PRRC2C: variants seen among roughly 807,000 people sequenced by gnomAD.
PRRC2C encodes protein PRRC2C.
Under a neutral mutation model 317.2 loss-of-function variants are expected in PRRC2C, and 72 were observed. The ratio of observed to expected loss-of-function variants is 0.23; its 90% CI spans 0.19 to 0.28. The LOEUF (loss-of-function observed/expected upper bound fraction) is 0.28, where lower values mean the gene tolerates loss of function less well. Ranked by LOEUF, PRRC2C falls within the 10% of genes least tolerant of loss-of-function variation. The pLI is 1.00. For synonymous variants in PRRC2C, 1,296 were observed against 1,205.9 expected (o/e 1.07, Z -1.55); for missense variants, 3,074 against 3,459.7 (o/e 0.89, Z 2.80).
chr1:171,579,557 A>C (rs1355175570), intron 27 of PRRC2C, 91 bp downstream of exon 27: 8 of 1,459,726 alleles, frequency 5.5e-6, no homozygotes, highest in African/African-American at 1.4e-5. Flanking sequence ...ATAGACTCTG[A>C]AATTACAAGC....
intron 26 of PRRC2C, among the ~76,000 whole-genome samples, chr1:171,578,775 G>A (rs1036141661): frequency 1.3e-5 from 2 of 151,832 alleles, no homozygotes; most frequent in Admixed American, 6.6e-5. Context: ...CACAAGAATC[G>A]CTTGAACCCG....
intron 10 of PRRC2C, among the ~76,000 whole-genome samples, chr1:171,527,432 A>G (rs543175000): frequency 3.9e-5 from 6 of 152,006 alleles, no homozygotes; most frequent in African/African-American, 1.4e-4. Flanking sequence ...CGCACCCAGC[A>G]GATATATTTT....
rs60015867 is a variant in PRRC2C at position 171,539,495 on chromosome 1, A to G, written c.2505-476A>G. ...ATTCTTACCTTTACCTATATTTCCT[A>G]TATTTACCTTTACCTATATTTCCTA... On this transcript the variant is annotated intron_variant, in intron 15 of 34. Coordinates refer to ENST00000647382, the MANE Select transcript of PRRC2C (RefSeq NM_001387844.1). Among the ~76,000 whole-genome samples the G allele has an allele frequency of 4.3e-3, 652 of 152,116 alleles. 17 individuals carry two copies. The highest frequency in any genetic ancestry group is 0.037 in the East Asian group (190 of 5,172).
chr1:171,537,350 C>A lies in PRRC2C; in HGVS notation c.2381C>A (p.Ser794Tyr). 6.3e-7 allele frequency: 1 copy of A among 1,595,708 alleles called. No homozygotes were observed. Among genetic ancestry groups the A allele is most frequent in the Non-Finnish European group, 8.5e-7 (1 of 1,170,286 alleles). Residue 794 changes from serine to tyrosine, a missense_variant, in exon 15 of 35, where the codon TCT becomes TAT. Physicochemically the swap from Ser to Tyr is moderately radical, Grantham distance 144. This residue lies in a region of PRRC2C where 1,320 missense variants were observed against 1,395.7 expected (regional missense o/e 0.95). Transcript: ENST00000647382. ...SSESFEHIAR[S>Y]ARDHAISLSE... Reference sequence around the variant, plus strand: ...GAGTCATTTGAGCATATAGCTCGATCTGCAAGAGATCACGCAATTTCCCTT... The same window carrying A: ...GAGTCATTTGAGCATATAGCTCGATATGCAAGAGATCACGCAATTTCCCTT...
chr1:171,559,814 C>A lies in PRRC2C; in HGVS notation c.6032-1204C>A, dbSNP rs186356550. 3.3e-5 allele frequency among the ~76,000 whole-genome samples: 5 copies of A among 152,264 alleles called. No individual in the cohort carries two copies. The East Asian group carries it at 7.7e-4, about 24-fold the overall frequency. On this transcript the variant is annotated intron_variant, in intron 19 of 34. Transcript: ENST00000647382. ...GGGATTACAGGTGTGAGCCACCATG[C>A]CTGGCCCATACCTATTATTTTTAAG...
intron 6 of PRRC2C, among the ~76,000 whole-genome samples, chr1:171,519,643 G>A (rs901589543): frequency 5.4e-5 from 8 of 149,096 alleles, no homozygotes; most frequent in Non-Finnish European, 1.0e-4. Context: ...ATGTGAAGTT[G>A]TAAAACAAGT....
chr1:171,546,533 A>G (rs370628074), intron 17 of PRRC2C, among the ~76,000 whole-genome samples: 1 of 152,236 alleles, frequency 6.6e-6, no homozygotes, highest in African/African-American at 2.4e-5. Flanking sequence ...AGTGGTTCTC[A>G]AAGTGTGGTC....
In PRRC2C at chr1:171,587,126, G is replaced by T; in HGVS notation, c.7873G>T (p.Ala2625Ser). Residue 2625 changes from alanine (A) to serine (S), a missense_variant, in exon 31 of 35, where the codon GCT becomes TCT. This residue lies in a region of PRRC2C where 490 missense variants were observed against 663.1 expected (regional missense o/e 0.74). Coordinates refer to ENST00000647382, the MANE Select transcript of PRRC2C (RefSeq NM_001387844.1). ...ACAGCATACCACTCCCCAAGCACAG[G>T]CTCAGAGTCTGAGTCGTCCTGCACA... ...PLQHTTPQAQ[A>S]QSLSRPAQVS... is the part of the protein sequence containing the mutation. 2.5e-6 allele frequency: 4 copies of T among 1,611,304 alleles called. No homozygotes were observed. Among genetic ancestry groups the T allele is most frequent in the Non-Finnish European group, 3.4e-6 (4 of 1,178,828 alleles).
At chr1:171,583,683 A>G (rs969548982) in intron 28 of PRRC2C, among the ~76,000 whole-genome samples, 4 of 152,208 alleles carry the variant, frequency 2.6e-5, no homozygotes, top group Non-Finnish European at 5.9e-5. Flanking sequence ...CTGTAGGTGT[A>G]GTAGGTTTGT....
chr1:171,540,028 T>C lies in PRRC2C; in HGVS notation c.2562T>C (p.Asn854=), dbSNP rs1677677822. Residue 854 remains asparagine, a synonymous_variant, in exon 16 of 35, where the codon AAT becomes AAC. Coordinates refer to ENST00000647382, the MANE Select transcript of PRRC2C (RefSeq NM_001387844.1). ...QITAAYSVEH[N]QLEAHPKADF... ...CTGCTGCTTATTCTGTAGAACATAA[T>C]CAATTAGAGGCTCACCCAAAGGCAG... The C allele has an allele frequency of 6.2e-7, 1 of 1,613,880 alleles. No homozygotes were observed. The highest frequency in any genetic ancestry group is 8.5e-7 in the Non-Finnish European group (1 of 1,179,858).
rs774065990 is a variant in PRRC2C at position 171,513,043 on chromosome 1, G to A, written c.161G>A (p.Arg54Gln). Residue 54 changes from arginine (R) to glutamine (Q), a missense_variant, in exon 3 of 35, where the codon CGG becomes CAG. By Grantham distance (43) the Arg-to-Gln change is conservative. Coordinates refer to ENST00000647382, the MANE Select transcript of PRRC2C (RefSeq NM_001387844.1). ...LQSLGKVGIS[R>Q]RMPPPANLPS... The stretch of plus-strand genomic sequence containing the variant: ...AGTCTTGGAAAAGTCGGTATTTCAC[G>A]GCGTATGCCTCCACCTGCTAACCTC... 6.2e-7 allele frequency: 1 copy of A among 1,613,474 alleles called. No individual in the cohort carries two copies. The highest frequency in any genetic ancestry group is 1.1e-5 in the South Asian group (1 of 91,004).
At chr1:171,515,372 CTATTTCAGTAA>C (rs1228912793) in intron 4 of PRRC2C, among the ~76,000 whole-genome samples, 1 of 152,148 alleles carries the variant, frequency 6.6e-6, no homozygotes, top group Non-Finnish European at 1.5e-5. Context: ...TCATCAAACA[CTATTTCAGTAA>C]TATGATTTGA....
intron 18 of PRRC2C, among the ~76,000 whole-genome samples, chr1:171,552,077 ATTCT>A (rs1344500259): frequency 2.6e-5 from 4 of 152,092 alleles, no homozygotes; most frequent in South Asian, 2.1e-4. Flanking sequence ...TACGATACTG[ATTCT>A]TTCTATCCAT....
At chr1:171,550,708 A>G (rs985675516) in intron 18 of PRRC2C, among the ~76,000 whole-genome samples, 11 of 149,792 alleles carry the variant, frequency 7.3e-5, no homozygotes, top group Admixed American at 3.4e-4. Context: ...ATGAGTGAGA[A>G]CATGAGGTGT....
At position 171,533,047 on chromosome 1, in the gene PRRC2C, T is replaced by C; in HGVS notation, c.1873+86T>C. The C allele has an allele frequency of 5.5e-6, 7 of 1,269,994 alleles. No individual in the cohort carries two copies. In the South Asian group the frequency reaches 1.3e-4, roughly 23 times the overall value. The allele number at this position is 1,269,994 out of a possible 1,614,324, so 78.7% of individuals were successfully genotyped here. ...GTTTGGGGTTTGTATATTTTAAATA[T>C]ATGTAATCAATATAAAAGTGATTGT... On this transcript the variant is annotated intron_variant, in intron 12 of 34. Transcript: ENST00000647382.
Position 171,536,232 on chromosome 1 carries a change from A to T in PRRC2C, c.2247A>T (p.Arg749=), listed in dbSNP as rs770761239. ...TGATGCAGTCCTACATGGATCCTCG[A>T]ATGATGTCAGGAAGACCTGCTATGG... The part of the protein sequence containing the change: ...WLMMQSYMDP[R]MMSGRPAMDI... The change falls in exon 14 of 35, where the codon CGA becomes CGT. Residue 749 remains arginine, a synonymous_variant. Transcript: ENST00000647382. The T allele has an allele frequency of 3.7e-6, 6 of 1,613,806 alleles. No homozygotes were observed. In the South Asian group the frequency reaches 6.6e-5, roughly 18 times the overall value.
At chr1:171,525,723 A>G (rs1271509060) in intron 10 of PRRC2C, among the ~76,000 whole-genome samples, 1 of 152,218 alleles carries the variant, frequency 6.6e-6, no homozygotes, top group Non-Finnish European at 1.5e-5. Context: ...CATTTAAGGT[A>G]GAAGGCTGCA....
At chr1:171,552,330 T>C (rs916135654) in intron 18 of PRRC2C, among the ~76,000 whole-genome samples, 12 of 152,252 alleles carry the variant, frequency 7.9e-5, no homozygotes, top group African/African-American at 2.9e-4. Context: ...GAGACTTTGC[T>C]GAAGTTGTTT....
In PRRC2C at chr1:171,542,007, A is replaced by G. The variant is rs745889313; in HGVS notation, c.4541A>G (p.Asp1514Gly). The change falls in exon 16 of 35, where the codon GAT becomes GGT. Residue 1514 changes from aspartate (D) to glycine (G), a missense_variant. By Grantham distance (94) the Asp-to-Gly change is moderately conservative. This residue lies in a region of PRRC2C where 178 missense variants were observed against 163.0 expected (regional missense o/e 1.09). Coordinates refer to ENST00000647382, the MANE Select transcript of PRRC2C (RefSeq NM_001387844.1). ...GATTTCAATGAGAGGCGAGAGAGGG[A>G]TGAAAAAAAAAATGCTGACTTGAAT... ...SSDFNERRER[D>G]EKKNADLNAQ... 1.4e-5 allele frequency: 22 copies of G among 1,613,774 alleles called. No homozygotes were observed. In the South Asian group the frequency reaches 2.3e-4, roughly 17 times the overall value.
Sources: allele counts gnomAD v4.1 joint callset (sites outside exome capture counted in the v4.1 genomes callset), GRCh38; gene constraint gnomAD v4.1.1; regional missense constraint gnomAD v4.1.1; transcripts MANE v1.5; gene names NCBI Gene and HGNC (gene_info 2026-07-23, HGNC 2026-07-21).